Variants in BROX observed in about 807,000 individuals in gnomAD.
BROX encodes BRO1 domain and CAAX motif containing, also known as BRO1 domain-containing protein BROX.
In BROX, 53 loss-of-function variants were observed where a neutral mutation model predicts 61.0. The ratio of observed to expected loss-of-function variants is 0.87; its 90% CI spans 0.70 to 1.09. BROX has a LOEUF of 1.09. Ranked by LOEUF, BROX falls within the 50% of genes least tolerant of loss-of-function variation. The pLI is 0.00. For missense variants in BROX, 489 were observed against 472.0 expected (o/e 1.04, Z -0.33); for synonymous variants, 152 against 160.2 (o/e 0.95, Z 0.38).
At chr1:222,723,943 C>T (rs1365758037) in intron 5 of BROX, 149 bp from the exon 6 acceptor site, 1 of 612,340 alleles carries the variant, frequency 1.6e-6, no homozygotes, top group Non-Finnish European at 2.8e-6. Context: ...ACAGGCCTGG[C>T]CTCAAAATTA....
In BROX at chr1:222,733,723, A is replaced by G. The variant is rs1399763137; in HGVS notation, c.*1009A>G. 4 of 152,206 alleles carry G rather than the reference A, an allele frequency of 2.6e-5. No individual in the cohort carries two copies. The highest frequency in any genetic ancestry group is 5.9e-5 in the Non-Finnish European group (4 of 68,028). 9.4% of individuals were successfully genotyped at this position (152,206 alleles called of 1,614,324 possible). A position where few individuals can be genotyped will look rare whatever the true frequency, so the allele number is the denominator to read the frequency against. On this transcript the variant is annotated 3_prime_UTR_variant, in exon 13 of 13. Coordinates refer to ENST00000340934, the MANE Select transcript of BROX (RefSeq NM_144695.4). ...TTCATTCAGTATCAGTAACCCTGCA[A>G]TGATTTTTACAAATATCTTTTTCTA...
intron 9 of BROX, 31 bp from the exon 10 acceptor site, chr1:222,729,589 G>T: frequency 6.4e-7 from 1 of 1,553,462 alleles, no homozygotes. Context: ...TGAAGGGAGA[G>T]AATGAATAAA....
At chr1:222,715,527 G>A (rs534105904) in intron 1 of BROX, among the ~76,000 whole-genome samples, 157 bp from the exon 2 acceptor site, 3 of 152,260 alleles carry the variant, frequency 2.0e-5, no homozygotes, top group Non-Finnish European at 4.4e-5. Flanking sequence ...GGCCAACATG[G>A]TGAAACCCCG....
intron 4 of BROX, among the ~76,000 whole-genome samples, chr1:222,719,663 G>C (rs185791396): frequency 2.6e-5 from 4 of 152,268 alleles, no homozygotes; most frequent in Admixed American, 1.3e-4. Context: ...CTGACATTCC[G>C]TATGTGCCTA....
chr1:222,714,035 C>T (rs1304325147), intron 1 of BROX: 1 of 152,080 alleles, frequency 6.6e-6, no homozygotes, highest in African/African-American at 2.4e-5. Flanking sequence ...TTTTCTAATA[C>T]TAGGAAAAGT....
intron 4 of BROX, among the ~76,000 whole-genome samples, chr1:222,720,799 C>T (rs1008864085): frequency 2.4e-4 from 36 of 152,092 alleles, no homozygotes; most frequent in African/African-American, 8.4e-4. Flanking sequence ...GGCGACACAC[C>T]GAGAGTCCAT....
chr1:222,714,348 G>T (rs1346969139), intron 1 of BROX, among the ~76,000 whole-genome samples: 4 of 151,076 alleles, frequency 2.6e-5, no homozygotes, highest in African/African-American at 9.7e-5. Flanking sequence ...GACTACAGGC[G>T]ACCGCCACCA....
chr1:222,724,172 A>G lies in BROX; in HGVS notation c.474+8A>G, dbSNP rs1311809925. ...ATTTTTAAACATTTAAAGGTAAAAC[A>G]AACAAACAAAAACCATTATTTGTTC... On this transcript the variant is annotated splice_region_variant and intron_variant, in intron 6 of 12. Coordinates refer to ENST00000340934, the MANE Select transcript of BROX (RefSeq NM_144695.4). 10 of 1,589,528 alleles carry G rather than the reference A, an allele frequency of 6.3e-6. No homozygotes were observed. Among genetic ancestry groups the G allele is most frequent in the Middle Eastern group, 1.7e-4 (1 of 6,002 alleles).
chr1:222,727,134 A>T, intron 7 of BROX, 34 bp from the exon 8 acceptor site: 1 of 1,419,376 alleles, frequency 7.0e-7, no homozygotes. Flanking sequence ...AAGTGAGCTT[A>T]ATTATAGATT....
rs192691393 is a variant in BROX, at chr1:222,713,144, G to C, written c.-17+202G>C. ...CACAAATCAGTGGCATTAACAGCTA[G>C]ATCCGCTGAATCCCCTTGCCCCGCA... is the stretch of plus-strand genomic sequence containing the variant. On this transcript the variant is annotated intron_variant, in intron 1 of 12. Transcript: ENST00000340934. 3.4e-4 allele frequency: 332 copies of C among 980,996 alleles called. 9 individuals are homozygous for C. In the Admixed American group the frequency reaches 0.016, roughly 47 times the overall value. 60.8% of individuals were successfully genotyped at this position (980,996 alleles called of 1,614,324 possible). A position where few individuals can be genotyped will look rare whatever the true frequency, so the allele number is the denominator to read the frequency against.
chr1:222,732,795 T>A lies in BROX; in HGVS notation c.*81T>A. The A allele has an allele frequency of 8.9e-7, 1 of 1,123,392 alleles. No individual in the cohort carries two copies. The highest frequency in any genetic ancestry group is 1.3e-6 in the Non-Finnish European group (1 of 767,260). The allele number at this position is 1,123,392 out of a possible 1,614,324, so 69.6% of individuals were successfully genotyped here. On this transcript the variant is annotated 3_prime_UTR_variant, in exon 13 of 13. Transcript: ENST00000340934. ...TCAGTTCTTATTTCTCAAAATGATT[T>A]CTCTGAAGCTTGTAGAATAACTATT...
At chr1:222,727,817 A>G (rs182361628) in intron 8 of BROX, among the ~76,000 whole-genome samples, 2 of 152,206 alleles carry the variant, frequency 1.3e-5, no homozygotes, top group Non-Finnish European at 2.9e-5. Context: ...AACCTTAACA[A>G]GCTGGGCATG....
At chr1:222,721,413 C>T (rs1402243627) in intron 4 of BROX, among the ~76,000 whole-genome samples, 3 of 148,642 alleles carry the variant, frequency 2.0e-5, no homozygotes, top group African/African-American at 7.4e-5. Flanking sequence ...GCCATATCTC[C>T]ATTTATCTTA....
intron 11 of BROX, among the ~76,000 whole-genome samples, chr1:222,730,701 A>T (rs1657869368): frequency 2.0e-5 from 3 of 152,190 alleles, no homozygotes. Flanking sequence ...ATATAAAAGC[A>T]GACTTTAAAA....
At chr1:222,729,820 G>T in intron 10 of BROX, 119 bp downstream of exon 10, 1 of 1,090,458 alleles carries the variant, frequency 9.2e-7, no homozygotes, top group Non-Finnish European at 1.3e-6. Context: ...GGGAATGGGT[G>T]ACATAATTGG....
At chr1:222,721,040 T>C (rs1441292459) in intron 4 of BROX, among the ~76,000 whole-genome samples, 1 of 152,216 alleles carries the variant, frequency 6.6e-6, no homozygotes, top group Non-Finnish European at 1.5e-5. Context: ...CTACTACTTT[T>C]ATGTGGTGTC....
rs1196569193 is a variant in BROX at position 222,727,257 on chromosome 1, G to A, written c.670G>A (p.Asp224Asn). Residue 224 changes from aspartate to asparagine, a missense_variant and splice_region_variant, in exon 8 of 13, where the codon GAT becomes AAT. Coordinates refer to ENST00000340934, the MANE Select transcript of BROX (RefSeq NM_144695.4). ...AACAGCCAATTTCTATCAAAAAGCT[G>A]GTAAGCTTCTAATTCTGTCGTTACA... ...YETANFYQKA[D>N]HTLSSLEPAY... The A allele has an allele frequency of 6.3e-7, 1 of 1,598,038 alleles. No homozygotes were observed. Among genetic ancestry groups the A allele is most frequent in the Admixed American group, 1.7e-5 (1 of 59,668 alleles).
chr1:222,714,906 T>C (rs1358761506), intron 1 of BROX, among the ~76,000 whole-genome samples: 1 of 152,230 alleles, frequency 6.6e-6, no homozygotes, highest in Non-Finnish European at 1.5e-5. Flanking sequence ...TAATAGAATT[T>C]ATTGATCAAG....
intron 2 of BROX, 85 bp downstream of exon 2, chr1:222,715,885 C>T (rs2124995637): frequency 2.9e-6 from 2 of 681,298 alleles, no homozygotes; most frequent in East Asian, 5.8e-5. Flanking sequence ...CACACTGTTT[C>T]TAAGTTTGTT....
Sources: allele counts gnomAD v4.1 joint callset (sites outside exome capture counted in the v4.1 genomes callset), GRCh38; gene constraint gnomAD v4.1.1; transcripts MANE v1.5; gene names NCBI Gene and HGNC (gene_info 2026-07-23, HGNC 2026-07-21).